Variants in ZNF473 observed in about 807,000 individuals in gnomAD.
ZNF473 encodes zinc finger protein 100 homolog.
ZNF473 carries 4 observed loss-of-function variants against 11.1 expected under a neutral mutation model. That is an observed-to-expected ratio of 0.36 (90% CI 0.18 to 0.82). The LOEUF (loss-of-function observed/expected upper bound fraction) is 0.82. Among genes scored for constraint, ZNF473 ranks in the 40% least tolerant of loss-of-function variants. The probability of loss-of-function intolerance (pLI) is 0.49; values close to 1 mark genes in which losing one functional copy is unlikely to be tolerated. For synonymous variants in ZNF473, 404 were observed against 390.4 expected (o/e 1.03, Z -0.41); for missense variants, 854 against 1,084.0 (o/e 0.79, Z 2.98).
chr19:50,035,436 G>A (rs947655893), intron 2 of ZNF473, among the ~76,000 whole-genome samples: 5 of 145,042 alleles, frequency 3.4e-5, no homozygotes, highest in African/African-American at 5.1e-5. Context: ...CTTCAGAGGT[G>A]ACCAGTTCTT....
At chr19:50,028,559 G>A (rs1241204414) in intron 1 of ZNF473, among the ~76,000 whole-genome samples, 3 of 151,722 alleles carry the variant, frequency 2.0e-5, no homozygotes, top group Non-Finnish European at 2.9e-5. Context: ...TGCCCAGGCT[G>A]GTCTCGAACA....
chr19:50,045,156 T>C lies in ZNF473; in HGVS notation c.713T>C (p.Val238Ala), dbSNP rs1473139664. The C allele has an allele frequency of 1.2e-6, 2 of 1,614,106 alleles. No individual in the cohort carries two copies. Among genetic ancestry groups the C allele is most frequent in the African/African-American group, 2.7e-5 (2 of 74,924 alleles). The change falls in exon 5 of 5, where the codon GTC becomes GCC. Residue 238 changes from valine to alanine, a missense_variant. Around this residue, in one of 2 missense-constraint regions of ZNF473, gnomAD observed 668 missense variants for 790.2 expected, o/e 0.85. Coordinates refer to ENST00000270617, the MANE Select transcript of ZNF473 (RefSeq NM_015428.4). ...WITHTREKPT[V>A]HQECEQGFDR... is the part of the protein sequence containing the mutation. The stretch of plus-strand genomic sequence containing the variant: ...ACTCATACTAGGGAGAAACCCACTG[T>C]CCATCAAGAGTGTGAGCAAGGTTTT...
At position 50,046,662 on chromosome 19, in the gene ZNF473, G is replaced by T. The variant is rs1260093773; in HGVS notation, c.2219G>T (p.Gly740Val). The change falls in exon 5 of 5, where the codon GGC becomes GTC. Residue 740 changes from glycine to valine, a missense_variant. Gly to Val is a moderately radical substitution (Grantham distance 109, BLOSUM62 -3). Around this residue, in one of 2 missense-constraint regions of ZNF473, gnomAD observed 186 missense variants for 293.8 expected, o/e 0.63. Coordinates refer to ENST00000270617, the MANE Select transcript of ZNF473 (RefSeq NM_015428.4). This position sits in a 1 kb window ranked among gnomAD's most constrained non-coding sequence, Gnocchi z 5.9. ...YVCDYCGKAF[G>V]LSAELVRHQR... is the part of the protein sequence containing the mutation. The stretch of plus-strand genomic sequence containing the variant: ...TGTGATTACTGCGGGAAGGCCTTCG[G>T]CCTGAGTGCTGAGCTTGTCCGCCAC... 6.2e-7 allele frequency: 1 copy of T among 1,614,064 alleles called. No homozygotes were observed. The highest frequency in any genetic ancestry group is 8.5e-7 in the Non-Finnish European group (1 of 1,180,034).
intron 1 of ZNF473, among the ~76,000 whole-genome samples, chr19:50,027,067 G>A (rs2077287488): frequency 6.6e-6 from 1 of 152,134 alleles, no homozygotes; most frequent in African/African-American, 2.4e-5. Context: ...GCAGCACTGA[G>A]ACATAAGTGC....
chr19:50,046,615 C>T lies in ZNF473; in HGVS notation c.2172C>T (p.His724=). The T allele has an allele frequency of 1.2e-6, 2 of 1,614,230 alleles. No homozygotes were observed. Among genetic ancestry groups the T allele is most frequent in the South Asian group, 1.1e-5 (1 of 91,086 alleles). The change falls in exon 5 of 5, where the codon CAC becomes CAT. Residue 724 remains histidine, a synonymous_variant. Transcript: ENST00000270617. This position sits in a 1 kb window ranked among gnomAD's most constrained non-coding sequence, Gnocchi z 5.9. The stretch of plus-strand genomic sequence containing the variant: ...GCCTTTCTAAGCATCAGAGAATTCA[C>T]TCAGGTGAGAAGCCCTATGTATGTG... The part of the protein sequence containing the change: ...SSCLSKHQRI[H]SGEKPYVCDY...
intron 3 of ZNF473, among the ~76,000 whole-genome samples, chr19:50,040,843 G>C (rs1183595758): frequency 2.0e-5 from 3 of 152,276 alleles, no homozygotes; most frequent in Non-Finnish European, 4.4e-5. Flanking sequence ...AGACTGGCCA[G>C]TGTGTGCTAA....
chr19:50,040,994 C>G (rs1045721198), intron 3 of ZNF473: 20 of 152,266 alleles, frequency 1.3e-4, no homozygotes, highest in African/African-American at 4.6e-4. Flanking sequence ...CCTATTGCTG[C>G]TGTTACACAT....
chr19:50,026,339 CG>C (rs1182246581), intron 1 of ZNF473, among the ~76,000 whole-genome samples: 1 of 150,086 alleles, frequency 6.7e-6, no homozygotes, highest in Admixed American at 6.6e-5. Context: ...GAAGCCTTGG[CG>C]GGGGGGATCA....
At chr19:50,029,921 G>T (rs931767083) in intron 1 of ZNF473, among the ~76,000 whole-genome samples, 3 of 151,772 alleles carry the variant, frequency 2.0e-5, no homozygotes, top group South Asian at 4.2e-4. Flanking sequence ...GCACCATCTC[G>T]GTTCACTGCA....
intron 2 of ZNF473, among the ~76,000 whole-genome samples, chr19:50,033,532 T>C (rs2077328583): frequency 6.6e-6 from 1 of 152,192 alleles, no homozygotes; most frequent in African/African-American, 2.4e-5. Flanking sequence ...GTCCACCCAA[T>C]TCCTGCTTAG....
At chr19:50,031,159 G>C (rs888925020) in intron 2 of ZNF473, 68 bp downstream of exon 2, 2 of 1,549,274 alleles carry the variant, frequency 1.3e-6, no homozygotes, top group Non-Finnish European at 8.7e-7. Context: ...TTCCTTTGTG[G>C]CCGAGGCGAG....
In ZNF473 at chr19:50,041,750, A is replaced by G; in HGVS notation, c.157A>G (p.Thr53Ala). Residue 53 changes from threonine (T) to alanine (A), a missense_variant, in exon 4 of 5, where the codon ACC becomes GCC. Physicochemically the swap from Thr to Ala is moderately conservative, Grantham distance 58 (BLOSUM62 0). Transcript: ENST00000270617. ...TGCAGACCCCCCAAGACCCAACCTGACCTCCCACCCAGATGGCAGTGAAGA... is the reference window on the plus strand; with the variant it reads ...TGCAGACCCCCCAAGACCCAACCTGGCCTCCCACCCAGATGGCAGTGAAGA... ...FLLDPPRPNL[T>A]SHPDGSEDLE... 1 of 1,612,122 alleles carries G rather than the reference A, an allele frequency of 6.2e-7. No homozygotes were observed. Among genetic ancestry groups the G allele is most frequent in the South Asian group, 1.1e-5 (1 of 90,898 alleles).
At chr19:50,038,106 C>T (rs1030133406) in intron 2 of ZNF473, among the ~76,000 whole-genome samples, 1 of 147,422 alleles carries the variant, frequency 6.8e-6, no homozygotes, top group Non-Finnish European at 1.5e-5. Context: ...TCCTTGGGCT[C>T]CTGTGATACT....
At chr19:50,032,718 A>G (rs2077324340) in intron 2 of ZNF473, among the ~76,000 whole-genome samples, 1 of 150,510 alleles carries the variant, frequency 6.6e-6, no homozygotes, top group South Asian at 2.1e-4. Context: ...CCAGTCTTGG[A>G]GGCCAGAAGT....
chr19:50,045,852 G>A lies in ZNF473; in HGVS notation c.1409G>A (p.Arg470Gln), dbSNP rs759798901. The A allele has an allele frequency of 3.3e-5, 53 of 1,613,884 alleles. No individual in the cohort carries two copies. The highest frequency in any genetic ancestry group is 1.3e-4 in the South Asian group (12 of 91,064). Residue 470 changes from arginine (R) to glutamine (Q), a missense_variant, in exon 5 of 5, where the codon CGG becomes CAG. Around this residue, in one of 2 missense-constraint regions of ZNF473, gnomAD observed 668 missense variants for 790.2 expected, o/e 0.85. Coordinates refer to ENST00000270617, the MANE Select transcript of ZNF473 (RefSeq NM_015428.4). ...KCQECVRSFSRPSHLMRHQAI... is the reference protein window; with the variant it reads ...KCQECVRSFSQPSHLMRHQAI... ...CAGGAATGCGTCAGGAGTTTCAGCC[G>A]GCCCTCACATCTGATGCGACATCAG...
chr19:50,047,689 C>G lies in ZNF473; in HGVS notation c.*630C>G, dbSNP rs915939052. On this transcript the variant is annotated 3_prime_UTR_variant, in exon 5 of 5. Transcript: ENST00000270617. ...TTAAGCCCCAGAAAGCCAAAAAGAA[C>G]ATGTAAACTCTTCACCTCAACTAGC... 6.6e-6 allele frequency: 1 copy of G among 152,642 alleles called. No homozygotes were observed. The highest frequency in any genetic ancestry group is 3.4e-3 in the Middle Eastern group (1 of 294). The allele number at this position is 152,642 out of a possible 1,614,324, so 9.5% of individuals were successfully genotyped here.
chr19:50,037,611 A>G (rs1978520769), intron 2 of ZNF473, among the ~76,000 whole-genome samples: 1 of 151,694 alleles, frequency 6.6e-6, no homozygotes, highest in African/African-American at 2.4e-5. Context: ...ACTTGAGGCC[A>G]AGAGTTCGAG....
At chr19:50,038,320 T>C (rs748909450) in intron 2 of ZNF473, among the ~76,000 whole-genome samples, 5 of 151,922 alleles carry the variant, frequency 3.3e-5, no homozygotes, top group Non-Finnish European at 5.9e-5. Context: ...CACTAAAAGT[T>C]GGACAACCAG....
intron 2 of ZNF473, among the ~76,000 whole-genome samples, chr19:50,031,955 T>C (rs1258686743): frequency 6.6e-6 from 1 of 151,864 alleles, no homozygotes; most frequent in Non-Finnish European, 1.5e-5. Flanking sequence ...CAGTCCCCGA[T>C]ACCTCCCTTT....
Sources: gnomAD v4.1 joint callset for allele counts (sites outside exome capture counted in the v4.1 genomes callset) on GRCh38, gnomAD v4.1.1 for gene constraint, gnomAD v4.1.1 regional missense constraint, Gnocchi (gnomAD v3.1) non-coding constraint, MANE v1.5 for transcripts, NCBI Gene and HGNC (gene_info 2026-07-23, HGNC 2026-07-21) for gene names.